The following NOXRED1 variants were observed in gnomAD, a reference collection of about 807,000 sequenced individuals.
The protein encoded by NOXRED1 is NADP dependent oxidoreductase domain containing 1.
A neutral mutation model predicts 30.4 loss-of-function variants in NOXRED1; 20 were observed. That is an observed-to-expected ratio of 0.66 (90% confidence interval 0.46 to 0.96). The LOEUF (loss-of-function observed/expected upper bound fraction) is 0.96, where lower values mean the gene tolerates loss of function less well. Ranked by LOEUF, NOXRED1 falls within the 40% of genes least tolerant of loss-of-function variation. The pLI, the probability that NOXRED1 is intolerant of heterozygous loss-of-function variation, is 0.00. For missense variants in NOXRED1, 374 were observed against 428.0 expected, an observed-to-expected ratio of 0.87 and a Z score of 1.11; for synonymous variants, 155 against 168.0, an observed-to-expected ratio of 0.92 and a Z score of 0.60.
intron 5 of NOXRED1, among the ~76,000 whole-genome samples, chr14:77,404,189 C>G (rs1433253538): frequency 6.6e-6 from 1 of 152,042 alleles, no homozygotes; most frequent in African/African-American, 2.4e-5. Flanking sequence ...GAGAGAGAAA[C>G]AAGAGATGTT....
In NOXRED1 at chr14:77,396,904, C is replaced by G. The variant is rs73313249; in HGVS notation, c.906-2099G>C. Among the ~76,000 whole-genome samples the G allele has an allele frequency of 8.0e-3, 1,224 of 152,288 alleles. 10 individuals carry two copies. The highest frequency in any genetic ancestry group is 0.023 in the African/African-American group (966 of 41,548). On this transcript the variant is annotated intron_variant, in intron 5 of 5. Transcript: ENST00000380835. Reference sequence around the variant, plus strand: ...CACAAAATAAAAATTATTGCCAACACCAGTTGCTGGTGAGGATGCAGAGAA... The same window carrying G: ...CACAAAATAAAAATTATTGCCAACAGCAGTTGCTGGTGAGGATGCAGAGAA...
intron 1 of NOXRED1, among the ~76,000 whole-genome samples, chr14:77,416,924 G>A (rs959052673): frequency 3.9e-5 from 6 of 152,176 alleles, no homozygotes; most frequent in Non-Finnish European, 8.8e-5. Context: ...TATTTTTAAC[G>A]TAGGCATTTA....
Position 77,394,491 on chromosome 14 carries a change from A to T in NOXRED1, c.*140T>A. On this transcript the variant is annotated 3_prime_UTR_variant, in exon 6 of 6. Transcript: ENST00000380835. The stretch of plus-strand genomic sequence containing the variant: ...TTCTACATTTTAAAGAGTCATCAGT[A>T]CAGTTTTATAATTCCTGATGTCTAT... The T allele has an allele frequency of 1.7e-6, 1 of 576,362 alleles. No individual in the cohort carries two copies. The highest frequency in any genetic ancestry group is 3.2e-5 in the Admixed American group (1 of 30,776). 35.7% of individuals were successfully genotyped at this position (576,362 alleles called of 1,614,324 possible).
intron 1 of NOXRED1, among the ~76,000 whole-genome samples, chr14:77,418,084 C>A (rs533532270): frequency 6.6e-6 from 1 of 152,088 alleles, no homozygotes; most frequent in Non-Finnish European, 1.5e-5. Context: ...TGAATTATAT[C>A]TTTTGGATAT....
chr14:77,401,878 C>T (rs1239250866), intron 5 of NOXRED1, among the ~76,000 whole-genome samples: 2 of 152,124 alleles, frequency 1.3e-5, no homozygotes, highest in Non-Finnish European at 2.9e-5. Context: ...GAAATAGACC[C>T]GCATAAATAT....
chr14:77,395,116 T>C (rs1894146210), intron 5 of NOXRED1, among the ~76,000 whole-genome samples: 1 of 150,648 alleles, frequency 6.6e-6, no homozygotes, highest in Non-Finnish European at 1.5e-5. Context: ...TTTCTTTTTT[T>C]TTTTTTTGAG....
intron 5 of NOXRED1, among the ~76,000 whole-genome samples, chr14:77,400,467 G>A (rs1457679297): frequency 2.0e-5 from 3 of 152,158 alleles, no homozygotes; most frequent in Non-Finnish European, 4.4e-5. Flanking sequence ...AAGGTAGTCG[G>A]GGCACAGCAT....
intron 5 of NOXRED1, among the ~76,000 whole-genome samples, chr14:77,398,017 G>GT (rs1894232748): frequency 6.6e-6 from 1 of 152,130 alleles, no homozygotes; most frequent in Admixed American, 6.6e-5. Context: ...TGTAAGAGAG[G>GT]TAGGGTCAAG....
In NOXRED1 at chr14:77,407,548, C is replaced by T. The variant is rs1894504077; in HGVS notation, c.447G>A (p.Leu149=). 1 of 1,613,820 alleles carries T rather than the reference C, an allele frequency of 6.2e-7. No homozygotes were observed. The highest frequency in any genetic ancestry group is 1.3e-5 in the African/African-American group (1 of 74,912). ...TGTAAATTTCTACGCAGATATTAGG[C>T]AGCTGAGACGGCAAGCAGCAGAGGA... ...VIFLCCLPSQ[L]PNICVEIYTS... is the part of the protein sequence containing the mutation. Residue 149 remains leucine, a synonymous_variant, in exon 3 of 6, where the codon CTG becomes CTA. Transcript: ENST00000380835.
chr14:77,407,345 C>T (rs780377988), intron 3 of NOXRED1, 120 bp downstream of exon 3: 1 of 728,356 alleles, frequency 1.4e-6, no homozygotes, highest in Non-Finnish European at 2.3e-6. Context: ...GCTGCTTCCT[C>T]CTTATTACTG....
Position 77,394,718 on chromosome 14 carries a change from G to T in NOXRED1, c.993C>A (p.Asp331Glu). 6.2e-7 allele frequency: 1 copy of T among 1,612,946 alleles called. No homozygotes were observed. Among genetic ancestry groups the T allele is most frequent in the Non-Finnish European group, 8.5e-7 (1 of 1,178,924 alleles). The part of the protein sequence containing the change: ...QHLSSSPVLQ[D>E]HLTHLYCASF... ...AAGCACAGTATAGATGGGTAAGGTGGTCTTGGAGAACAGGACTACTTGAGA... is the reference window on the plus strand; with the variant it reads ...AAGCACAGTATAGATGGGTAAGGTGTTCTTGGAGAACAGGACTACTTGAGA... The change falls in exon 6 of 6, where the codon GAC becomes GAA. Residue 331 changes from aspartate (D) to glutamate (E), a missense_variant. Transcript: ENST00000380835.
intron 1 of NOXRED1, among the ~76,000 whole-genome samples, chr14:77,416,034 T>C (rs1471654968): frequency 6.6e-6 from 1 of 152,106 alleles, no homozygotes; most frequent in African/African-American, 2.4e-5. Context: ...ATACAATTTT[T>C]CTCTCTCCCC....
In NOXRED1 at chr14:77,420,627, C is replaced by A. The variant is rs540833318; in HGVS notation, c.155+2108G>T. On this transcript the variant is annotated intron_variant, in intron 1 of 5. Coordinates refer to ENST00000380835, the MANE Select transcript of NOXRED1 (RefSeq NM_001113475.3). The stretch of plus-strand genomic sequence containing the variant: ...CTCTTTAAGATTATTACTTTGAATT[C>A]TTTGTTAGGTAACTCACAGATCTGT... 2.0e-5 allele frequency among the ~76,000 whole-genome samples: 3 copies of A among 151,978 alleles called. No homozygotes were observed. The South Asian group carries it at 6.2e-4, about 32-fold the overall frequency.
intron 2 of NOXRED1, among the ~76,000 whole-genome samples, chr14:77,408,138 G>A (rs921252342): frequency 2.6e-5 from 4 of 152,168 alleles, no homozygotes; most frequent in Non-Finnish European, 4.4e-5. Flanking sequence ...AAAGTGCAGG[G>A]ATTACAGGCG....
chr14:77,416,068 C>G (rs78253029), intron 1 of NOXRED1, among the ~76,000 whole-genome samples: 2,897 of 152,244 alleles, frequency 0.019, 88 homozygotes, highest in African/African-American at 0.066. Flanking sequence ...TACCATTCTA[C>G]TTTCTGTTCC....
intron 1 of NOXRED1, among the ~76,000 whole-genome samples, chr14:77,416,473 A>C (rs1236476686): frequency 2.0e-5 from 3 of 152,044 alleles, no homozygotes; most frequent in Admixed American, 6.6e-5. Flanking sequence ...AATCCATTCA[A>C]CCCTGAGTGG....
intron 2 of NOXRED1, among the ~76,000 whole-genome samples, chr14:77,408,014 T>A (rs527629290): frequency 6.6e-6 from 1 of 152,068 alleles, no homozygotes; most frequent in South Asian, 2.1e-4. Context: ...ATTACAGGCA[T>A]GCGCCACCAT....
intron 5 of NOXRED1, among the ~76,000 whole-genome samples, chr14:77,396,500 C>T (rs1294614665): frequency 3.3e-5 from 5 of 152,042 alleles, no homozygotes; most frequent in African/African-American, 7.2e-5. Context: ...TCACCTGCCT[C>T]GGCCTCCCAA....
At chr14:77,395,643 T>C (rs542196678) in intron 5 of NOXRED1, among the ~76,000 whole-genome samples, 1 of 148,154 alleles carries the variant, frequency 6.7e-6, no homozygotes, top group South Asian at 2.2e-4. Context: ...CTGTACAAAT[T>C]AAAAAAAAAA....
Sources: gnomAD v4.1 joint callset for allele counts (sites outside exome capture counted in the v4.1 genomes callset) on GRCh38, gnomAD v4.1.1 for gene constraint, MANE v1.5 for transcripts, NCBI Gene and HGNC (gene_info 2026-07-23, HGNC 2026-07-21) for gene names.